ANKDD1B: variants seen among roughly 807,000 people sequenced by gnomAD.
ANKDD1B encodes the protein ankyrin repeat and death domain-containing protein 1B.
Under a neutral mutation model 59.7 loss-of-function variants are expected in ANKDD1B, and 57 were observed. That is an observed-to-expected ratio of 0.95 (90% confidence interval 0.77 to 1.19). The LOEUF (loss-of-function observed/expected upper bound fraction) is 1.19, where lower values mean the gene tolerates loss of function less well. ANKDD1B is among the 50% of genes most tolerant of loss of function. ANKDD1B has a pLI of 0.00. For missense variants in ANKDD1B, 602 were observed against 641.9 expected, an observed-to-expected ratio of 0.94 and a Z score of 0.67; for synonymous variants, 216 against 239.5, an observed-to-expected ratio of 0.90 and a Z score of 0.91.
chr5:75,664,547 A>G (rs1775258566), intron 11 of ANKDD1B, among the ~76,000 whole-genome samples: 1 of 152,100 alleles, frequency 6.6e-6, no homozygotes, highest in Admixed American at 6.5e-5. Flanking sequence ...TCAATTTCTT[A>G]AATTATCATT....
chr5:75,640,095 G>A (rs1774424510), intron 7 of ANKDD1B, among the ~76,000 whole-genome samples: 1 of 151,580 alleles, frequency 6.6e-6, no homozygotes, highest in Admixed American at 6.6e-5. Context: ...CTAGGCTGGA[G>A]TGTGGTGATG....
intron 7 of ANKDD1B, among the ~76,000 whole-genome samples, chr5:75,642,238 G>A (rs374138689): frequency 1.2e-4 from 19 of 152,098 alleles, no homozygotes; most frequent in African/African-American, 4.3e-4. Context: ...TGGGAGGTGG[G>A]AGGAGCCAAG....
intron 7 of ANKDD1B, among the ~76,000 whole-genome samples, chr5:75,652,407 T>C (rs1774856777): frequency 6.6e-6 from 1 of 152,098 alleles, no homozygotes; most frequent in African/African-American, 2.4e-5. Context: ...TAATAATAGC[T>C]CCCCTTCACC....
intron 1 of ANKDD1B, among the ~76,000 whole-genome samples, chr5:75,614,944 G>C (rs1773674821): frequency 6.6e-6 from 1 of 152,216 alleles, no homozygotes; most frequent in Non-Finnish European, 1.5e-5. Context: ...TGTTTGCATA[G>C]AAGTGATTTC....
At chr5:75,669,208 G>GCAGCT in intron 12 of ANKDD1B, 44 bp from the exon 13 acceptor site, 1 of 1,231,374 alleles carries the variant, frequency 8.1e-7, no homozygotes. Flanking sequence ...GAAAGAGATA[G>GCAGCT]CAGCTCGTGG....
intron 5 of ANKDD1B, among the ~76,000 whole-genome samples, chr5:75,628,803 C>T (rs1024795825): frequency 6.6e-6 from 1 of 152,110 alleles, no homozygotes; most frequent in Non-Finnish European, 1.5e-5. Context: ...ATCATTGAGG[C>T]CTTTCCAGGG....
At chr5:75,659,464 G>A in intron 10 of ANKDD1B, 83 bp downstream of exon 10, 2 of 965,078 alleles carry the variant, frequency 2.1e-6, no homozygotes, top group South Asian at 2.8e-5. Context: ...CAGCGTTATT[G>A]GAATATCCTT....
intron 7 of ANKDD1B, 117 bp from the exon 8 acceptor site, chr5:75,653,025 T>A: frequency 2.8e-6 from 2 of 724,168 alleles, no homozygotes; most frequent in East Asian, 2.7e-5. Flanking sequence ...TGTTAAGTGA[T>A]GCACGACTGT....
chr5:75,613,374 A>C (rs1773622079), intron 1 of ANKDD1B, among the ~76,000 whole-genome samples: 1 of 152,190 alleles, frequency 6.6e-6, no homozygotes, highest in African/African-American at 2.4e-5. Context: ...AAGAAGAGAT[A>C]ATTTCCAGGA....
Position 75,671,812 on chromosome 5 carries a change from TAA to T in ANKDD1B, c.*773_*774del, listed in dbSNP as rs1158635097. ...AAGAACATGCATTATTTTTGTAATC[TAA>T]GAGTTATGAAATAAATGTAAAATTG... On this transcript the variant is annotated 3_prime_UTR_variant, in exon 14 of 14. Coordinates refer to ENST00000601380, the MANE Select transcript of ANKDD1B (RefSeq NM_001276713.2). 1 of 148,218 alleles carries T rather than the reference TAA, an allele frequency of 6.7e-6. No homozygotes were observed. Among genetic ancestry groups the T allele is most frequent in the Non-Finnish European group, 1.5e-5 (1 of 67,108 alleles). 9.2% of individuals were successfully genotyped at this position (148,218 alleles called of 1,614,324 possible). A position where few individuals can be genotyped will look rare whatever the true frequency, so the allele number is the denominator to read the frequency against.
At chr5:75,667,426 C>T (rs1028558193) in intron 12 of ANKDD1B, among the ~76,000 whole-genome samples, 2 of 152,080 alleles carry the variant, frequency 1.3e-5, no homozygotes, top group Admixed American at 1.3e-4. Context: ...TTTAAGTCTG[C>T]GCTCCAGAAA....
intron 7 of ANKDD1B, among the ~76,000 whole-genome samples, chr5:75,640,326 G>T (rs1041026014): frequency 2.0e-5 from 3 of 152,146 alleles, no homozygotes; most frequent in Non-Finnish European, 2.9e-5. Context: ...ATTACAGGCC[G>T]AGCCACTGAA....
intron 3 of ANKDD1B, among the ~76,000 whole-genome samples, chr5:75,622,551 G>T (rs1487918097): frequency 1.3e-5 from 2 of 152,172 alleles, no homozygotes; most frequent in East Asian, 3.8e-4. Flanking sequence ...CTCCAGACAG[G>T]TGTAAAGAAT....
intron 1 of ANKDD1B, among the ~76,000 whole-genome samples, chr5:75,616,092 A>T (rs1773709480): frequency 6.6e-6 from 1 of 151,924 alleles, no homozygotes; most frequent in Admixed American, 6.6e-5. Context: ...TATGTTATTG[A>T]CTCCTACTTA....
At chr5:75,670,198 A>G (rs181771009) in intron 13 of ANKDD1B, among the ~76,000 whole-genome samples, 2 of 152,314 alleles carry the variant, frequency 1.3e-5, no homozygotes, top group African/African-American at 4.8e-5. Flanking sequence ...TGGTGCTTGC[A>G]GCATTTACCC....
At chr5:75,650,989 G>A (rs556638390) in intron 7 of ANKDD1B, among the ~76,000 whole-genome samples, 1 of 152,344 alleles carries the variant, frequency 6.6e-6, no homozygotes, top group African/African-American at 2.4e-5. Context: ...GCCTCACCAT[G>A]TGCCTCAGCC....
intron 5 of ANKDD1B, among the ~76,000 whole-genome samples, chr5:75,626,760 G>A (rs1233814486): frequency 6.6e-6 from 1 of 151,198 alleles, no homozygotes; most frequent in South Asian, 2.1e-4. Flanking sequence ...TCCTTCCCCC[G>A]GAATATCTCC....
chr5:75,661,587 T>C (rs896517668), intron 10 of ANKDD1B, among the ~76,000 whole-genome samples: 2 of 152,102 alleles, frequency 1.3e-5, no homozygotes, highest in Non-Finnish European at 2.9e-5. Context: ...TGCTGTTGTT[T>C]TGTATTTTAT....
At chr5:75,643,812 G>C (rs1329709500) in intron 7 of ANKDD1B, among the ~76,000 whole-genome samples, 1 of 17,472 alleles carries the variant, frequency 5.7e-5, no homozygotes, top group Non-Finnish European at 8.8e-5. Context: ...CACCAAAGTT[G>C]AAATGAAGGA....
Sources: gnomAD v4.1 joint callset for allele counts (sites outside exome capture counted in the v4.1 genomes callset) on GRCh38, gnomAD v4.1.1 for gene constraint, MANE v1.5 for transcripts, NCBI Gene and HGNC (gene_info 2026-07-23, HGNC 2026-07-21) for gene names.